The following RBFOX1 variants were observed in gnomAD, a reference collection of about 807,000 sequenced individuals.
The protein encoded by RBFOX1 is RNA binding protein fox-1 homolog 1.
Under a neutral mutation model 57.7 loss-of-function variants are expected in RBFOX1, and 8 were observed. That is an observed-to-expected ratio of 0.14 (90% CI 0.08 to 0.25). The LOEUF is 0.25. RBFOX1 is among the 10% of genes least tolerant of loss of function. The pLI is 1.00. For synonymous variants in RBFOX1, 326 were observed against 222.4 expected (o/e 1.47, Z -4.15); for missense variants, 611 against 548.5 (o/e 1.11, Z -1.14).
At chr16:6,313,994 A>G (rs1031840666) in intron 1 of RBFOX1, among the ~76,000 whole-genome samples, 4 of 152,104 alleles carry the variant, frequency 2.6e-5, no homozygotes, top group Non-Finnish European at 5.9e-5. Flanking sequence ...ACAGGTTCTT[A>G]TTAGTGGAAA....
At chr16:7,699,091 T>C (rs1023648940) in intron 14 of RBFOX1, among the ~76,000 whole-genome samples, 1 of 152,140 alleles carries the variant, frequency 6.6e-6, no homozygotes, top group Admixed American at 6.5e-5. Flanking sequence ...GATTCATAAG[T>C]CCGGAGAGGG....
intron 3 of RBFOX1, among the ~76,000 whole-genome samples, chr16:7,027,814 A>T (rs955678383): frequency 6.6e-6 from 1 of 151,934 alleles, no homozygotes; most frequent in Non-Finnish European, 1.5e-5. Context: ...AATAAATGAG[A>T]AAGAAGGGAA....
At chr16:7,292,114 A>T in intron 4 of RBFOX1, among the ~76,000 whole-genome samples, 1 of 134,804 alleles carries the variant, frequency 7.4e-6, no homozygotes, top group Non-Finnish European at 1.5e-5. Flanking sequence ...TGTATTATGT[A>T]TAATATATAA....
chr16:7,007,551 T>G (rs2093371901), intron 3 of RBFOX1, among the ~76,000 whole-genome samples: 1 of 152,178 alleles, frequency 6.6e-6, no homozygotes, highest in Non-Finnish European at 1.5e-5. Flanking sequence ...AAGTGGGGCA[T>G]AAATTTGCCT....
intron 1 of RBFOX1, among the ~76,000 whole-genome samples, chr16:6,164,939 G>A (rs2152751875): frequency 6.6e-6 from 1 of 152,186 alleles, no homozygotes; most frequent in Admixed American, 6.6e-5. Flanking sequence ...AAAGTTTGGG[G>A]GGAAAGTGTG....
chr16:6,210,958 T>A (rs1025201564), intron 1 of RBFOX1, among the ~76,000 whole-genome samples: 4 of 152,026 alleles, frequency 2.6e-5, no homozygotes, highest in African/African-American at 9.7e-5. Context: ...GCATTCCAAG[T>A]GTGCAGTTGA....
At chr16:5,454,747 T>TTCTTTTCTTTCTTTCCTTC in intron 1 of RBFOX1, among the ~76,000 whole-genome samples, 1 of 131,862 alleles carries the variant, frequency 7.6e-6, no homozygotes, top group East Asian at 2.0e-4. Flanking sequence ...TTCTTTCTTT[T>TTCTTTTCTTTCTTTCCTTC]TCTTTTCTTT....
chr16:7,352,713 AATTATT>A (rs1160723331), intron 4 of RBFOX1, among the ~76,000 whole-genome samples: 5 of 151,722 alleles, frequency 3.3e-5, no homozygotes, highest in African/African-American at 1.2e-4. Flanking sequence ...TTAATGAGCA[AATTATT>A]ATTATTATTA....
At chr16:7,473,423 TA>T (rs2061970657) in intron 4 of RBFOX1, among the ~76,000 whole-genome samples, 2 of 148,028 alleles carry the variant, frequency 1.4e-5, no homozygotes, top group Admixed American at 1.4e-4. Context: ...TATATATACA[TA>T]GTATATAATA....
intron 4 of RBFOX1, among the ~76,000 whole-genome samples, chr16:5,959,049 C>T (rs555734737): frequency 6.6e-6 from 1 of 152,266 alleles, no homozygotes; most frequent in East Asian, 1.9e-4. Flanking sequence ...TTCTGCTGAC[C>T]ACACCAGGTA....
chr16:7,662,869 G>C (rs1048264255), intron 12 of RBFOX1, among the ~76,000 whole-genome samples: 1 of 152,234 alleles, frequency 6.6e-6, no homozygotes, highest in African/African-American at 2.4e-5. Context: ...GTGAGGTTCA[G>C]ATGTCTCAAG....
At chr16:5,655,706 G>T (rs1009901520) in intron 3 of RBFOX1, among the ~76,000 whole-genome samples, 1 of 152,208 alleles carries the variant, frequency 6.6e-6, no homozygotes, top group Non-Finnish European at 1.5e-5. Context: ...CACAGGTACA[G>T]TGTAACCCTT....
intron 3 of RBFOX1, among the ~76,000 whole-genome samples, chr16:6,913,833 A>T (rs149215050): frequency 3.3e-5 from 5 of 152,194 alleles, no homozygotes; most frequent in Non-Finnish European, 7.3e-5. Context: ...CCAGCCCTGC[A>T]TGTGGCGTAA....
At chr16:6,642,978 C>T (rs957932555) in intron 2 of RBFOX1, among the ~76,000 whole-genome samples, 3 of 152,130 alleles carry the variant, frequency 2.0e-5, no homozygotes, top group African/African-American at 7.2e-5. Context: ...GCTCTTACAT[C>T]GTGAGTCATC....
chr16:6,082,347 A>ATTTTTTTTTTTTTTTTT lies in RBFOX1; in HGVS notation c.-127+62367_-127+62383dup, dbSNP rs71142677. Among the ~76,000 whole-genome samples, 16 of 41,042 alleles carry ATTTTTTTTTTTTTTTTT rather than the reference A, an allele frequency of 3.9e-4. 3 individuals are homozygous for ATTTTTTTTTTTTTTTTT. The highest frequency in any genetic ancestry group is 6.8e-4 in the Non-Finnish European group (15 of 22,146). The allele number at this position is 41,042 out of a possible 152,430, so 26.9% of individuals were successfully genotyped here. On this transcript the variant is annotated intron_variant, in intron 1 of 15. Transcript: ENST00000550418. The stretch of plus-strand genomic sequence containing the variant: ...ATGTGCCTGTCACCACACCTGGCTA[A>ATTTTTTTTTTTTTTTTT]TTTTTTTTTTTTTTTTTTTTTTTTT...
intron 4 of RBFOX1, among the ~76,000 whole-genome samples, chr16:7,259,534 C>T (rs1299893593): frequency 6.6e-6 from 1 of 150,622 alleles, no homozygotes; most frequent in Non-Finnish European, 1.5e-5. Context: ...CTGAGAGAAA[C>T]AGGAGATAGT....
At chr16:6,747,148 G>A (rs1448069379) in intron 3 of RBFOX1, among the ~76,000 whole-genome samples, 2 of 152,126 alleles carry the variant, frequency 1.3e-5, no homozygotes, top group South Asian at 2.1e-4. Context: ...AGTGGCTCAC[G>A]CCTATAATCC....
chr16:5,793,495 G>C (rs924173523), intron 3 of RBFOX1, among the ~76,000 whole-genome samples: 1 of 152,244 alleles, frequency 6.6e-6, no homozygotes, highest in African/African-American at 2.4e-5. Context: ...ATGTGGCACT[G>C]GCCAGAGTCC....
intron 1 of RBFOX1, among the ~76,000 whole-genome samples, chr16:6,241,260 C>CA (rs1332483243): frequency 1.3e-4 from 20 of 152,114 alleles, no homozygotes; most frequent in Admixed American, 1.3e-3. Context: ...AAAACAACAA[C>CA]AAAAAATGAA....
Sources: allele counts gnomAD v4.1 joint callset (sites outside exome capture counted in the v4.1 genomes callset), GRCh38; gene constraint gnomAD v4.1.1; transcripts MANE v1.5; gene names NCBI Gene and HGNC (gene_info 2026-07-23, HGNC 2026-07-21).